CCDC152: variants seen among roughly 807,000 people sequenced by gnomAD.
CCDC152 encodes the protein coiled-coil domain-containing protein 152.
In CCDC152, 37 loss-of-function variants were observed where a neutral mutation model predicts 38.1. The observed-to-expected ratio is 0.97, with a 90% CI of 0.75 to 1.28. The LOEUF (loss-of-function observed/expected upper bound fraction) is 1.28, where lower values mean the gene tolerates loss of function less well. CCDC152 is among the 50% of genes most tolerant of loss of function. The pLI is 0.00. For missense variants in CCDC152, 259 were observed against 292.1 expected (o/e 0.89, Z 0.83); for synonymous variants, 83 against 87.1 (o/e 0.95, Z 0.26).
At chr5:42,763,793 C>T (rs183348274) in intron 3 of CCDC152, among the ~76,000 whole-genome samples, 1 of 151,960 alleles carries the variant, frequency 6.6e-6, no homozygotes, top group Non-Finnish European at 1.5e-5. Context: ...GAAGATATAG[C>T]CCTAAAAAGT....
At chr5:42,786,782 G>A (rs1345885397) in intron 6 of CCDC152, among the ~76,000 whole-genome samples, 2 of 151,968 alleles carry the variant, frequency 1.3e-5, no homozygotes, top group Admixed American at 1.3e-4. Context: ...TAGGCATTTA[G>A]TGCTATAAAC....
chr5:42,776,821 C>CA (rs1450571308), intron 4 of CCDC152, among the ~76,000 whole-genome samples: 3 of 151,784 alleles, frequency 2.0e-5, no homozygotes. Flanking sequence ...ATACAGTGGT[C>CA]AAAAAACAAA....
At chr5:42,786,985 G>A (rs1414596409) in intron 6 of CCDC152, among the ~76,000 whole-genome samples, 1 of 151,680 alleles carries the variant, frequency 6.6e-6, no homozygotes, top group African/African-American at 2.4e-5. Flanking sequence ...ATGTATTTCT[G>A]ATTTTATTCC....
At chr5:42,797,870 G>A (rs891086901) in intron 7 of CCDC152, among the ~76,000 whole-genome samples, 7 of 152,130 alleles carry the variant, frequency 4.6e-5, no homozygotes, top group South Asian at 2.1e-4. Context: ...TGAGTAGGCC[G>A]GGTGTGGTGG....
intron 7 of CCDC152, among the ~76,000 whole-genome samples, chr5:42,798,257 AC>A (rs1408040883): frequency 9.9e-5 from 15 of 152,042 alleles, no homozygotes; most frequent in African/African-American, 3.6e-4. Context: ...CTATCAATCT[AC>A]CCTTCCATCA....
chr5:42,798,785 C>CA (rs28918072), intron 7 of CCDC152, among the ~76,000 whole-genome samples: 39,264 of 150,932 alleles, frequency 0.26, 5,634 homozygotes, highest in Admixed American at 0.38. Context: ...TGTGCAAAAA[C>CA]AAAAAAAAAT....
chr5:42,776,604 G>T (rs1391399287), intron 4 of CCDC152, among the ~76,000 whole-genome samples: 1 of 152,064 alleles, frequency 6.6e-6, no homozygotes, highest in Non-Finnish European at 1.5e-5. Flanking sequence ...TCCAACAACA[G>T]CAGAATACAC....
chr5:42,773,153 T>A (rs983022497), intron 4 of CCDC152, among the ~76,000 whole-genome samples: 15 of 152,228 alleles, frequency 9.9e-5, no homozygotes, highest in Non-Finnish European at 7.3e-5. Context: ...TAAAAGGATC[T>A]GGTTTTTTGG....
At position 42,801,191 on chromosome 5, in the gene CCDC152, C is replaced by A. The variant is rs1486685768; in HGVS notation, c.*1410C>A. 6.2e-7 allele frequency: 1 copy of A among 1,614,122 alleles called. No homozygotes were observed. The highest frequency in any genetic ancestry group is 8.5e-7 in the Non-Finnish European group (1 of 1,180,026). The stretch of plus-strand genomic sequence containing the variant: ...CATTTGGTGCTCCTGGTTGCTGATT[C>A]TCTGAAAGCTCACTGCTGCCAAGGT... On this transcript the variant is annotated 3_prime_UTR_variant, in exon 9 of 9. Coordinates refer to ENST00000361970, the MANE Select transcript of CCDC152 (RefSeq NM_001134848.2).
chr5:42,787,484 T>C (rs1307737890), intron 6 of CCDC152, among the ~76,000 whole-genome samples: 5 of 152,094 alleles, frequency 3.3e-5, no homozygotes, highest in East Asian at 1.9e-4. Context: ...TATCTGTCAA[T>C]GGGGCATTGA....
At chr5:42,781,350 A>T (rs1046906251) in intron 5 of CCDC152, among the ~76,000 whole-genome samples, 5 of 152,140 alleles carry the variant, frequency 3.3e-5, no homozygotes, top group African/African-American at 1.2e-4. Context: ...CCATTCCTAC[A>T]AGTTGCCTGG....
intron 1 of CCDC152, among the ~76,000 whole-genome samples, chr5:42,757,854 C>T (rs1759501429): frequency 2.0e-5 from 3 of 151,964 alleles, no homozygotes; most frequent in Admixed American, 6.5e-5. Context: ...CCTAGTAAAA[C>T]CTTTTTTATT....
At chr5:42,778,056 T>G (rs182295911) in intron 4 of CCDC152, among the ~76,000 whole-genome samples, 1 of 152,336 alleles carries the variant, frequency 6.6e-6, no homozygotes, top group Admixed American at 6.5e-5. Context: ...GTTTAACTAC[T>G]TCTTGGTTGT....
chr5:42,791,339 C>G (rs1759997396), intron 6 of CCDC152, among the ~76,000 whole-genome samples: 1 of 152,228 alleles, frequency 6.6e-6, no homozygotes, highest in Non-Finnish European at 1.5e-5. Context: ...TAAGCACTAT[C>G]ATCTGGCTTT....
intron 3 of CCDC152, among the ~76,000 whole-genome samples, chr5:42,764,209 A>G (rs1759595273): frequency 6.6e-6 from 1 of 152,146 alleles, no homozygotes; most frequent in African/African-American, 2.4e-5. Flanking sequence ...CAGGAGTTCA[A>G]GACCAGACTG....
chr5:42,765,589 G>A (rs1230521235), intron 3 of CCDC152, among the ~76,000 whole-genome samples: 1 of 152,068 alleles, frequency 6.6e-6, no homozygotes, highest in Non-Finnish European at 1.5e-5. Flanking sequence ...TAATAGAATA[G>A]AGAACCCATG....
At chr5:42,774,091 C>G (rs6871947) in intron 4 of CCDC152, among the ~76,000 whole-genome samples, 116,483 of 152,090 alleles carry the variant, frequency 0.77, 44,904 homozygotes, top group East Asian at 1. Context: ...GATCAGAGAA[C>G]TGAGGTCGCA....
Position 42,785,739 on chromosome 5 carries a change from T to G in CCDC152, c.430+2163T>G, listed in dbSNP as rs1759912649. ...GGGACATGCTTTCAACTTTTCCCCA[T>G]TCAGGATGATGTTGGCTGTGAGTTT... On this transcript the variant is annotated intron_variant, in intron 6 of 8. Transcript: ENST00000361970. Among the ~76,000 whole-genome samples the G allele has an allele frequency of 2.0e-5, 3 of 152,260 alleles. No homozygotes were observed. In the South Asian group the frequency reaches 6.2e-4, roughly 32 times the overall value.
chr5:42,759,298 C>A, intron 2 of CCDC152, 90 bp downstream of exon 2: 2 of 645,134 alleles, frequency 3.1e-6, no homozygotes, highest in Non-Finnish European at 2.7e-6. Context: ...GAAAAATATA[C>A]CAAAAAATGA....
Sources: allele counts gnomAD v4.1 joint callset (sites outside exome capture counted in the v4.1 genomes callset), GRCh38; gene constraint gnomAD v4.1.1; transcripts MANE v1.5; gene names NCBI Gene and HGNC (gene_info 2026-07-23, HGNC 2026-07-21).